The following UNC13C variants were observed in gnomAD, a reference collection of about 807,000 sequenced individuals.
The protein encoded by UNC13C is protein unc-13 homolog C.
UNC13C carries 174 observed loss-of-function variants against 245.4 expected under a neutral mutation model. That is an observed-to-expected ratio of 0.71 (90% CI 0.63 to 0.80). UNC13C has a LOEUF of 0.80. Ranked by LOEUF, UNC13C falls within the 30% of genes least tolerant of loss-of-function variation. UNC13C has a pLI of 0.00. For synonymous variants in UNC13C, 992 were observed against 895.1 expected (o/e 1.11, Z -1.93); for missense variants, 2,829 against 2,602.9 (o/e 1.09, Z -1.89).
chr15:54,507,762 T>C (rs1218985585), intron 23 of UNC13C, among the ~76,000 whole-genome samples: 1 of 151,964 alleles, frequency 6.6e-6, no homozygotes, highest in Non-Finnish European at 1.5e-5. Flanking sequence ...ATTTATTTTA[T>C]GATGGAAGGT....
At chr15:54,206,372 AT>A (rs1243035029) in intron 4 of UNC13C, among the ~76,000 whole-genome samples, 2 of 152,008 alleles carry the variant, frequency 1.3e-5, no homozygotes, top group African/African-American at 4.8e-5. Flanking sequence ...AGGTTTGGAG[AT>A]TTTTTCCCAT....
the UNC13C span, among the ~76,000 whole-genome samples, chr15:53,949,865 G>T: frequency 1.3e-5 from 2 of 152,172 alleles, no homozygotes; most frequent in African/African-American, 4.8e-5. Context: ...TGAAACTCAA[G>T]AACTTACTCT....
intron 19 of UNC13C, among the ~76,000 whole-genome samples, chr15:54,434,127 G>T (rs1338414687): frequency 1.3e-5 from 2 of 152,012 alleles, no homozygotes; most frequent in African/African-American, 4.8e-5. Flanking sequence ...TGGATACAAA[G>T]AATCAATATC....
At chr15:54,396,385 A>G (rs1479127089) in intron 18 of UNC13C, among the ~76,000 whole-genome samples, 1 of 151,592 alleles carries the variant, frequency 6.6e-6, no homozygotes, top group Non-Finnish European at 1.5e-5. Flanking sequence ...GCTTTTATTC[A>G]TTACAACTAT....
chr15:53,887,913 A>C, the UNC13C span, among the ~76,000 whole-genome samples: 1 of 152,150 alleles, frequency 6.6e-6, no homozygotes, highest in African/African-American at 2.4e-5. Flanking sequence ...ATAGTATTCC[A>C]TGGTGTATAT....
At chr15:54,207,401 C>G (rs2140738838) in intron 4 of UNC13C, among the ~76,000 whole-genome samples, 1 of 152,104 alleles carries the variant, frequency 6.6e-6, no homozygotes, top group South Asian at 2.1e-4. Flanking sequence ...GTCATGTGAT[C>G]TCTTTGCACT....
chr15:54,203,432 CAACA>C (rs2034585615), intron 4 of UNC13C, among the ~76,000 whole-genome samples: 1 of 149,322 alleles, frequency 6.7e-6, no homozygotes, highest in Non-Finnish European at 1.5e-5. Context: ...TCCAAATGCC[CAACA>C]ATCATGAGTG....
the UNC13C span, among the ~76,000 whole-genome samples, chr15:53,941,591 T>G: frequency 2.0e-5 from 3 of 151,814 alleles, no homozygotes; most frequent in African/African-American, 7.3e-5. Context: ...TTACAAAAAA[T>G]TACAAGAAAA....
the UNC13C span, among the ~76,000 whole-genome samples, chr15:53,964,181 G>C: frequency 2.0e-5 from 3 of 152,228 alleles, no homozygotes; most frequent in Admixed American, 6.5e-5. Flanking sequence ...CAAATCTCAT[G>C]GGAAGAACTA....
At chr15:54,132,074 C>CTTTTTTTTTTTTTTT (rs1555420957) in intron 2 of UNC13C, among the ~76,000 whole-genome samples, 13 of 110,646 alleles carry the variant, frequency 1.2e-4, no homozygotes, top group African/African-American at 4.2e-4. Context: ...TTTTCTTTTT[C>CTTTTTTTTTTTTTTT]TTTTTTTTTT....
intron 2 of UNC13C, among the ~76,000 whole-genome samples, chr15:54,138,789 C>T (rs7181274): frequency 6.6e-6 from 1 of 151,634 alleles, no homozygotes; most frequent in Non-Finnish European, 1.5e-5. Flanking sequence ...GGAGGCTGGA[C>T]GTTCACTATC....
intron 10 of UNC13C, among the ~76,000 whole-genome samples, chr15:54,286,877 G>T (rs1039440028): frequency 4.6e-5 from 7 of 152,030 alleles, no homozygotes; most frequent in African/African-American, 1.7e-4. Flanking sequence ...TGGAATAAAA[G>T]ACCTTATTCC....
intron 4 of UNC13C, among the ~76,000 whole-genome samples, chr15:54,233,691 G>T (rs144425277): frequency 1.3e-5 from 2 of 152,288 alleles, no homozygotes; most frequent in South Asian, 2.1e-4. Flanking sequence ...TTAAGACTAA[G>T]TTTCCTTATA....
chr15:54,236,704 C>T (rs1285720300), intron 6 of UNC13C, among the ~76,000 whole-genome samples: 1 of 152,142 alleles, frequency 6.6e-6, no homozygotes, highest in Non-Finnish European at 1.5e-5. Flanking sequence ...CTTGGGTAAA[C>T]TCTTGGAGGT....
chr15:54,085,252 A>G (rs983452242), intron 2 of UNC13C, among the ~76,000 whole-genome samples: 8 of 152,202 alleles, frequency 5.3e-5, no homozygotes, highest in Non-Finnish European at 8.8e-5. Context: ...CTCAAAATTT[A>G]GGGCTACTTT....
chr15:54,067,137 A>G (rs1440222101), intron 2 of UNC13C, among the ~76,000 whole-genome samples: 1 of 152,028 alleles, frequency 6.6e-6, no homozygotes, highest in Non-Finnish European at 1.5e-5. Context: ...CGATTTGATG[A>G]CTGACTGTTT....
chr15:54,623,851 G>C lies in UNC13C; in HGVS notation c.6256G>C (p.Glu2086Gln), dbSNP rs1248585375. Residue 2086 changes from glutamate (E) to glutamine (Q), a missense_variant, in exon 32 of 33, where the codon GAA (glutamate) becomes CAA (glutamine). Physicochemically the swap from Glu to Gln is conservative, Grantham distance 29. Coordinates refer to ENST00000260323, the MANE Select transcript of UNC13C (RefSeq NM_001080534.3). ...QTTAMFRPFV[E>Q]VCILGPNLGD... is the part of the protein sequence containing the mutation. Reference sequence around the variant, plus strand: ...CACAGCAATGTTCCGCCCCTTTGTGGAAGTTTGTATACTGGGACCCAACCT... The same window carrying C: ...CACAGCAATGTTCCGCCCCTTTGTGCAAGTTTGTATACTGGGACCCAACCT... 1 of 1,613,140 alleles carries C rather than the reference G, an allele frequency of 6.2e-7. No individual in the cohort carries two copies. Among genetic ancestry groups the C allele is most frequent in the Admixed American group, 1.7e-5 (1 of 59,860 alleles).
intron 4 of UNC13C, among the ~76,000 whole-genome samples, chr15:54,192,647 A>C (rs1358220800): frequency 6.6e-6 from 1 of 152,000 alleles, no homozygotes; most frequent in Non-Finnish European, 1.5e-5. Context: ...TATCTTTTTC[A>C]TCATTCCAAA....
At chr15:54,204,907 A>C (rs2140731085) in intron 4 of UNC13C, among the ~76,000 whole-genome samples, 1 of 152,166 alleles carries the variant, frequency 6.6e-6, no homozygotes, top group South Asian at 2.1e-4. Context: ...TGTGACCTAC[A>C]TCATTACATA....
Sources: allele counts gnomAD v4.1 joint callset (sites outside exome capture counted in the v4.1 genomes callset), GRCh38; gene constraint gnomAD v4.1.1; transcripts MANE v1.5; gene names NCBI Gene and HGNC (gene_info 2026-07-23, HGNC 2026-07-21).